Variants in PHF21A observed in about 807,000 individuals in gnomAD.
PHF21A encodes the protein BHC80a.
A neutral mutation model predicts 82.5 loss-of-function variants in PHF21A; 11 were observed. The ratio of observed to expected loss-of-function variants is 0.13; its 90% confidence interval spans 0.08 to 0.22. The LOEUF (loss-of-function observed/expected upper bound fraction) is 0.22, where lower values mean the gene tolerates loss of function less well. Among genes scored for constraint, PHF21A ranks in the 10% least tolerant of loss-of-function variants. PHF21A has a pLI of 1.00. For synonymous variants in PHF21A, 297 were observed against 302.8 expected (o/e 0.98, Z 0.20); for missense variants, 579 against 837.8 (o/e 0.69, Z 3.81).
chr11:46,092,312 T>C (rs1455434458), intron 1 of PHF21A, 89 bp from the exon 2 acceptor site: 1 of 152,142 alleles, frequency 6.6e-6, no homozygotes, highest in African/African-American at 2.4e-5. Context: ...AGATTACTGA[T>C]TTTAAGAAGA....
chr11:45,971,510 T>A (rs551097868), intron 7 of PHF21A, 143 bp from the exon 8 acceptor site: 1 of 794,000 alleles, frequency 1.3e-6, no homozygotes, highest in South Asian at 1.8e-5. Context: ...GAACAACATT[T>A]CTTTTGTGTA....
At position 45,971,506 on chromosome 11, in the gene PHF21A, C is replaced by T. The variant is rs1591429148; in HGVS notation, c.361-139G>A. On this transcript the variant is annotated intron_variant, in intron 7 of 18. Transcript: ENST00000676320. ...ATAATCAAGTTTCTCTGTAGAACAACATTTCTTTTGTGTACATACAGCATA... is the reference window on the plus strand; with the variant it reads ...ATAATCAAGTTTCTCTGTAGAACAATATTTCTTTTGTGTACATACAGCATA... 17 of 820,694 alleles carry T rather than the reference C, an allele frequency of 2.1e-5. 1 individual carries two copies. In the East Asian group the frequency reaches 2.2e-4, roughly 10 times the overall value. 50.8% of individuals were successfully genotyped at this position (820,694 alleles called of 1,614,324 possible).
chr11:45,976,090 T>C (rs1009662775), intron 7 of PHF21A, among the ~76,000 whole-genome samples: 1 of 152,136 alleles, frequency 6.6e-6, no homozygotes, highest in Non-Finnish European at 1.5e-5. Context: ...CCTTATCTCC[T>C]CTCCATCGTT....
chr11:45,974,253 T>A (rs180743572), intron 7 of PHF21A, among the ~76,000 whole-genome samples: 1 of 152,136 alleles, frequency 6.6e-6, no homozygotes. Flanking sequence ...TCTTTACCCC[T>A]ACTCTGGTGC....
Position 45,953,520 on chromosome 11 carries a change from G to T in PHF21A, c.1095+7C>A. On this transcript the variant is annotated splice_region_variant and intron_variant, in intron 11 of 18. Coordinates refer to ENST00000676320, the MANE Select transcript of PHF21A (RefSeq NM_001352027.3). ...ACTGAGACCTGCCTTTGGAAACATA[G>T]GCCTACCTGAGGGTTCTCCTCCCGT... The T allele has an allele frequency of 6.3e-7, 1 of 1,586,626 alleles. No individual in the cohort carries two copies. Among genetic ancestry groups the T allele is most frequent in the Non-Finnish European group, 8.7e-7 (1 of 1,155,128 alleles).
chr11:46,019,618 T>G (rs1365098097), intron 6 of PHF21A, among the ~76,000 whole-genome samples: 2 of 152,218 alleles, frequency 1.3e-5, no homozygotes, highest in Non-Finnish European at 2.9e-5. Flanking sequence ...CTGTGACCAA[T>G]TTTTCCAAGA....
chr11:45,972,494 T>C (rs906317240), intron 7 of PHF21A, among the ~76,000 whole-genome samples: 2 of 152,204 alleles, frequency 1.3e-5, no homozygotes, highest in Admixed American at 6.5e-5. Flanking sequence ...AGGAAATTAA[T>C]TGGCCAGGCG....
intron 6 of PHF21A, among the ~76,000 whole-genome samples, chr11:45,984,241 TTTC>T (rs1214888128): frequency 6.6e-6 from 1 of 152,190 alleles, no homozygotes; most frequent in Non-Finnish European, 1.5e-5. Flanking sequence ...CTTATCATCT[TTTC>T]TTCTTAATAT....
chr11:46,098,335 T>C (rs1223493317), intron 1 of PHF21A, among the ~76,000 whole-genome samples: 1 of 152,190 alleles, frequency 6.6e-6, no homozygotes, highest in African/African-American at 2.4e-5. Context: ...TTCTATATGC[T>C]TGAAAAATGT....
chr11:46,055,127 G>A (rs1387686024), intron 6 of PHF21A, among the ~76,000 whole-genome samples: 3 of 152,004 alleles, frequency 2.0e-5, no homozygotes, highest in Non-Finnish European at 2.9e-5. Context: ...AAATTATGGC[G>A]AGAACTTAAG....
chr11:46,013,904 T>C (rs938937320), intron 6 of PHF21A, among the ~76,000 whole-genome samples: 4 of 152,118 alleles, frequency 2.6e-5, no homozygotes, highest in South Asian at 2.1e-4. Context: ...AGTGAATGAG[T>C]GGTTAGTAAA....
At chr11:46,108,412 A>T (rs1433316727) in intron 1 of PHF21A, among the ~76,000 whole-genome samples, 1 of 152,030 alleles carries the variant, frequency 6.6e-6, no homozygotes. Flanking sequence ...CTTAATGTAT[A>T]AATCTTACCC....
intron 3 of PHF21A, among the ~76,000 whole-genome samples, chr11:46,086,754 A>C (rs533039062): frequency 7.4e-4 from 112 of 152,328 alleles, no homozygotes; most frequent in Middle Eastern, 6.8e-3. Context: ...ACTTCATTCT[A>C]CTGACAGTAA....
intron 7 of PHF21A, among the ~76,000 whole-genome samples, chr11:45,978,093 A>C (rs1396231214): frequency 6.6e-6 from 1 of 152,132 alleles, no homozygotes; most frequent in Non-Finnish European, 1.5e-5. Context: ...CGAGGTCAGG[A>C]GTTCGAGACC....
At chr11:46,010,445 C>A (rs1002219242) in intron 6 of PHF21A, among the ~76,000 whole-genome samples, 2 of 152,160 alleles carry the variant, frequency 1.3e-5, no homozygotes, top group Non-Finnish European at 2.9e-5. Context: ...TAAAATTATA[C>A]AGTTAAGTGG....
intron 1 of PHF21A, chr11:46,118,927 A>G (rs1337557511): frequency 6.6e-6 from 1 of 152,204 alleles, no homozygotes; most frequent in Non-Finnish European, 1.5e-5. Flanking sequence ...CAAATATCAT[A>G]AACACTGAAA....
intron 3 of PHF21A, among the ~76,000 whole-genome samples, chr11:46,084,854 A>G (rs1282367889): frequency 1.3e-5 from 2 of 151,850 alleles, no homozygotes; most frequent in Non-Finnish European, 2.9e-5. Context: ...TCATTTTTTT[A>G]TATTTTTAAT....
At chr11:46,015,322 C>T (rs922070935) in intron 6 of PHF21A, among the ~76,000 whole-genome samples, 6 of 152,098 alleles carry the variant, frequency 3.9e-5, no homozygotes, top group African/African-American at 1.4e-4. Flanking sequence ...GTTTCTTTTG[C>T]TATGCAGAAG....
intron 13 of PHF21A, 144 bp from the exon 14 acceptor site, chr11:45,949,090 T>C (rs959150944): frequency 1.4e-6 from 1 of 730,672 alleles, no homozygotes; most frequent in African/African-American, 1.7e-5. Context: ...TGCTCAAGGG[T>C]TTTATTGTAT....
Sources: gnomAD v4.1 joint callset for allele counts (sites outside exome capture counted in the v4.1 genomes callset) on GRCh38, gnomAD v4.1.1 for gene constraint, MANE v1.5 for transcripts, NCBI Gene and HGNC (gene_info 2026-07-23, HGNC 2026-07-21) for gene names.